MPPED2: variants seen among roughly 807,000 people sequenced by gnomAD.
The protein encoded by MPPED2 is metallophosphoesterase MPPED2.
Under a neutral mutation model 33.0 loss-of-function variants are expected in MPPED2, and 5 were observed. That is an observed-to-expected ratio of 0.15 (90% CI 0.08 to 0.32). MPPED2 has a LOEUF of 0.32. MPPED2 is among the 10% of genes least tolerant of loss of function. The pLI is 1.00. For missense variants in MPPED2, 275 were observed against 372.1 expected (o/e 0.74, Z 2.15); for synonymous variants, 136 against 141.9 (o/e 0.96, Z 0.29).
chr11:30,449,203 T>C (rs1949944554), intron 4 of MPPED2, among the ~76,000 whole-genome samples: 2 of 152,120 alleles, frequency 1.3e-5, no homozygotes, highest in South Asian at 4.1e-4. Flanking sequence ...AATGAATGAA[T>C]GCCCCTATGT....
chr11:30,410,181 G>C (rs368052736), downstream of MPPED2: 17 of 985,658 alleles, frequency 1.7e-5, no homozygotes, highest in African/African-American at 3.0e-4. Flanking sequence ...TCCCCAGGAC[G>C]AAACTACCAT....
downstream of MPPED2, among the ~76,000 whole-genome samples, chr11:30,408,212 T>A (rs549469): frequency 6.6e-6 from 1 of 152,078 alleles, no homozygotes. Context: ...GGGCCTCAGC[T>A]GAGAGGATGA....
chr11:30,396,975 T>A (rs1277608715), intron 6 of MPPED2, among the ~76,000 whole-genome samples: 1 of 152,152 alleles, frequency 6.6e-6, no homozygotes, highest in Non-Finnish European at 1.5e-5. Context: ...TTTATTCCTA[T>A]ATGTCACCCC....
chr11:30,460,665 A>T (rs893229099), intron 4 of MPPED2, among the ~76,000 whole-genome samples: 5 of 152,180 alleles, frequency 3.3e-5, no homozygotes, highest in Non-Finnish European at 5.9e-5. Context: ...TATTTTTAAA[A>T]TTTTTAATTT....
At chr11:30,507,299 G>C (rs1952883256) in intron 3 of MPPED2, among the ~76,000 whole-genome samples, 1 of 152,168 alleles carries the variant, frequency 6.6e-6, no homozygotes, top group Non-Finnish European at 1.5e-5. Context: ...TATTTCTGAA[G>C]GCATCAATAC....
At chr11:30,520,725 T>A (rs74696158) in intron 3 of MPPED2, among the ~76,000 whole-genome samples, 1 of 152,196 alleles carries the variant, frequency 6.6e-6, no homozygotes, top group East Asian at 1.9e-4. Flanking sequence ...ATTTCCTTAG[T>A]CAAAATGTCA....
chr11:30,567,614 G>A (rs1956503034), intron 2 of MPPED2, among the ~76,000 whole-genome samples: 1 of 152,158 alleles, frequency 6.6e-6, no homozygotes, highest in East Asian at 1.9e-4. Flanking sequence ...ATTATAATCT[G>A]TGTTCTAAAG....
At chr11:30,513,664 T>C (rs192975021) in intron 3 of MPPED2, among the ~76,000 whole-genome samples, 1 of 152,346 alleles carries the variant, frequency 6.6e-6, no homozygotes, top group East Asian at 1.9e-4. Context: ...AACAGGAACC[T>C]GTAATCTTCT....
At chr11:30,532,151 T>C (rs1954563005) in intron 3 of MPPED2, among the ~76,000 whole-genome samples, 1 of 152,186 alleles carries the variant, frequency 6.6e-6, no homozygotes, top group Non-Finnish European at 1.5e-5. Flanking sequence ...GGACCTTACC[T>C]CCCATAGACA....
At chr11:30,442,735 C>T (rs1408358428) in intron 4 of MPPED2, among the ~76,000 whole-genome samples, 3 of 152,146 alleles carry the variant, frequency 2.0e-5, no homozygotes, top group Admixed American at 6.5e-5. Flanking sequence ...TTAAGCCAGG[C>T]ACGGTGACTC....
intron 4 of MPPED2, among the ~76,000 whole-genome samples, chr11:30,418,114 T>A (rs1416465041): frequency 6.6e-6 from 1 of 152,192 alleles, no homozygotes; most frequent in East Asian, 1.9e-4. Flanking sequence ...GAGAAAAGGA[T>A]GAGGGCTCTG....
intron 3 of MPPED2, among the ~76,000 whole-genome samples, chr11:30,522,101 T>C (rs559553459): frequency 1.3e-5 from 2 of 152,220 alleles, no homozygotes; most frequent in Non-Finnish European, 2.9e-5. Context: ...TAAGAAACAG[T>C]GTTTTGATTT....
At chr11:30,426,366 C>T (rs1008950209) in intron 4 of MPPED2, among the ~76,000 whole-genome samples, 1 of 150,980 alleles carries the variant, frequency 6.6e-6, no homozygotes, top group Admixed American at 6.6e-5. Context: ...GAATGATATG[C>T]CATTGTGTGG....
intron 3 of MPPED2, among the ~76,000 whole-genome samples, chr11:30,502,654 C>A (rs1448571283): frequency 6.6e-6 from 1 of 152,042 alleles, no homozygotes; most frequent in Non-Finnish European, 1.5e-5. Flanking sequence ...AAATGGAGGT[C>A]TGAGGTAATA....
At chr11:30,465,015 G>T (rs545810123) in intron 4 of MPPED2, among the ~76,000 whole-genome samples, 1 of 152,270 alleles carries the variant, frequency 6.6e-6, no homozygotes, top group African/African-American at 2.4e-5. Flanking sequence ...AAGCAATGTG[G>T]TCTGAAAATT....
chr11:30,393,452 C>T (rs1947804113), intron 6 of MPPED2, among the ~76,000 whole-genome samples: 1 of 152,106 alleles, frequency 6.6e-6, no homozygotes, highest in African/African-American at 2.4e-5. Context: ...AATTCCCTTC[C>T]CTTTATCTCA....
chr11:30,450,800 ACT>A (rs1950022116), intron 4 of MPPED2, among the ~76,000 whole-genome samples: 1 of 152,144 alleles, frequency 6.6e-6, no homozygotes, highest in South Asian at 2.1e-4. Context: ...CCTCAGAGAA[ACT>A]CTGTATCGGG....
At chr11:30,559,254 C>T (rs1395602012) in intron 2 of MPPED2, among the ~76,000 whole-genome samples, 2 of 152,102 alleles carry the variant, frequency 1.3e-5, no homozygotes, top group African/African-American at 4.8e-5. Flanking sequence ...CAACGGGATC[C>T]CAGTGTTCAC....
At chr11:30,581,681 G>A (rs1957175665) in intron 1 of MPPED2, among the ~76,000 whole-genome samples, 1 of 152,234 alleles carries the variant, frequency 6.6e-6, no homozygotes, top group Admixed American at 6.5e-5. Flanking sequence ...CAGATGGCCT[G>A]CCATAGGCCA....
Sources: allele counts gnomAD v4.1 joint callset (sites outside exome capture counted in the v4.1 genomes callset), GRCh38; gene constraint gnomAD v4.1.1; transcripts MANE v1.5; gene names NCBI Gene and HGNC (gene_info 2026-07-23, HGNC 2026-07-21).